Variants in SAMD5 observed in about 807,000 individuals in gnomAD.
SAMD5 encodes the protein sterile alpha motif domain containing 5, also known as sterile alpha motif domain-containing protein 5.
Under a neutral mutation model 11.3 loss-of-function variants are expected in SAMD5, and 13 were observed. The ratio of observed to expected loss-of-function variants is 1.15; its 90% confidence interval spans 0.75 to 1.83. SAMD5 has a LOEUF of 1.83. Among genes scored for constraint, SAMD5 ranks in the 40% most tolerant of loss-of-function variants. The pLI is 0.00. For synonymous variants in SAMD5, 129 were observed against 111.3 expected (o/e 1.16, Z -1.00); for missense variants, 255 against 239.1 (o/e 1.07, Z -0.44).
At chr6:147,908,286 C>T in the SAMD5 span, among the ~76,000 whole-genome samples, 4 of 152,126 alleles carry the variant, frequency 2.6e-5, no homozygotes, top group South Asian at 2.1e-4. Flanking sequence ...GGGTGGGCTC[C>T]GTGTCCTGTG....
chr6:147,637,049 C>G (rs1790240797), intron 1 of SAMD5, among the ~76,000 whole-genome samples: 1 of 152,094 alleles, frequency 6.6e-6, no homozygotes, highest in Admixed American at 6.5e-5. Flanking sequence ...GCAGCAGGCC[C>G]CAGCAGGCTG....
intron 1 of SAMD5, among the ~76,000 whole-genome samples, chr6:147,603,170 T>C (rs1377336396): frequency 2.0e-5 from 3 of 152,196 alleles, no homozygotes; most frequent in Admixed American, 6.5e-5. Flanking sequence ...ACATCAAATA[T>C]GTTAACTGAA....
At chr6:147,714,125 A>G (rs771470746) in intron 1 of SAMD5, among the ~76,000 whole-genome samples, 6 of 152,186 alleles carry the variant, frequency 3.9e-5, no homozygotes, top group Non-Finnish European at 5.9e-5. Flanking sequence ...AGTGAAGTTC[A>G]GTGACGATAC....
At chr6:147,617,154 G>A (rs1789885032) in intron 1 of SAMD5, among the ~76,000 whole-genome samples, 2 of 152,134 alleles carry the variant, frequency 1.3e-5, no homozygotes, top group Non-Finnish European at 2.9e-5. Flanking sequence ...TTCTTTAGGT[G>A]AGTCTTATTC....
At chr6:147,916,076 A>C in the SAMD5 span, among the ~76,000 whole-genome samples, 2 of 152,078 alleles carry the variant, frequency 1.3e-5, no homozygotes, top group Admixed American at 6.6e-5. Flanking sequence ...TACAAAGGAC[A>C]TGAACTCATC....
rs192372770 is a variant in SAMD5 at position 147,620,359 on chromosome 6, T to G, written c.162+110972T>G. 1.6e-3 allele frequency among the ~76,000 whole-genome samples: 243 copies of G among 152,312 alleles called. 2 individuals carry two copies. The highest frequency in any genetic ancestry group is 5.5e-3 in the African/African-American group (227 of 41,574). ...CGTACGACCCCTTACCCAGCCAGCTTTGATCACTTCTCTATTTAGCGCTGC... is the reference window on the plus strand; with the variant it reads ...CGTACGACCCCTTACCCAGCCAGCTGTGATCACTTCTCTATTTAGCGCTGC... On this transcript the variant is annotated intron_variant, in intron 1 of 1. Transcript: ENST00000566741.
chr6:147,928,448 T>G, the SAMD5 span, among the ~76,000 whole-genome samples: 1 of 152,194 alleles, frequency 6.6e-6, no homozygotes, highest in South Asian at 2.1e-4. Flanking sequence ...TCTAGTTTTT[T>G]CACATACAGG....
chr6:147,830,001 A>C, the SAMD5 span, among the ~76,000 whole-genome samples: 1 of 152,164 alleles, frequency 6.6e-6, no homozygotes, highest in East Asian at 1.9e-4. Context: ...GCATGAGAGA[A>C]GCATGATAAA....
the SAMD5 span, among the ~76,000 whole-genome samples, chr6:147,909,579 T>TTCCTTCCTTCCTTCCTTCCTTC: frequency 1.3e-4 from 8 of 61,658 alleles, no homozygotes; most frequent in African/African-American, 6.9e-4. Flanking sequence ...TTTCTTTCTT[T>TTCCTTCCTTCCTTCCTTCCTTC]CTTTCTTTCT....
intron 1 of SAMD5, among the ~76,000 whole-genome samples, chr6:147,577,737 A>C (rs1789236869): frequency 6.6e-6 from 1 of 152,142 alleles, no homozygotes; most frequent in African/African-American, 2.4e-5. Context: ...CTTACACTTA[A>C]AATCCCCAGA....
the SAMD5 span, among the ~76,000 whole-genome samples, chr6:147,892,758 T>C: frequency 7.7e-4 from 118 of 152,346 alleles, no homozygotes; most frequent in African/African-American, 2.6e-3. Context: ...ATCCACCATC[T>C]GCTCCTGTAT....
chr6:147,551,382 G>A (rs1215978839), intron 1 of SAMD5, among the ~76,000 whole-genome samples: 1 of 152,206 alleles, frequency 6.6e-6, no homozygotes, highest in East Asian at 1.9e-4. Context: ...GAGAAATTAA[G>A]GGGGAATGTA....
chr6:147,899,170 CAAAAAAA>C, the SAMD5 span, among the ~76,000 whole-genome samples: 1 of 62,626 alleles, frequency 1.6e-5, no homozygotes, highest in African/African-American at 7.1e-5. Flanking sequence ...GACTCTGTCT[CAAAAAAA>C]AAAAAAAAAA....
the SAMD5 span, among the ~76,000 whole-genome samples, chr6:147,808,424 G>C: frequency 6.6e-6 from 1 of 152,102 alleles, no homozygotes; most frequent in Non-Finnish European, 1.5e-5. Context: ...GGCTGTTCTA[G>C]AACTCCTGGC....
intron 1 of SAMD5, among the ~76,000 whole-genome samples, chr6:147,523,897 CTTAGGCT>C (rs1788294438): frequency 6.6e-6 from 1 of 152,066 alleles, no homozygotes; most frequent in Non-Finnish European, 1.5e-5. Flanking sequence ...CTCTGGCTTC[CTTAGGCT>C]TGTACAGTAG....
intron 1 of SAMD5, among the ~76,000 whole-genome samples, chr6:147,709,830 T>C (rs1791371972): frequency 6.6e-6 from 1 of 152,204 alleles, no homozygotes; most frequent in South Asian, 2.1e-4. Flanking sequence ...ATCTTTTCTC[T>C]GGAGGACTTC....
chr6:147,763,713 G>A, the SAMD5 span, among the ~76,000 whole-genome samples: 4 of 151,918 alleles, frequency 2.6e-5, no homozygotes, highest in Non-Finnish European at 5.9e-5. Context: ...CTCCTGAGTA[G>A]CTGGGACTAC....
chr6:147,567,120 A>T lies in SAMD5; in HGVS notation c.*2664A>T. On this transcript the variant is annotated 3_prime_UTR_variant, in exon 2 of 2. Transcript: ENST00000367474. The stretch of plus-strand genomic sequence containing the variant: ...GTCATAGCAAAATTTTCTTTAGTTC[A>T]TCTTAAAATTTAGGGAGGTAAAAAA... 1 of 983,370 alleles carries T rather than the reference A, an allele frequency of 1.0e-6. No homozygotes were observed. The highest frequency in any genetic ancestry group is 1.2e-6 in the Non-Finnish European group (1 of 828,064). 60.9% of individuals were successfully genotyped at this position (983,370 alleles called of 1,614,324 possible).
chr6:147,741,048 C>T (rs17077298), downstream of SAMD5, among the ~76,000 whole-genome samples: 3,116 of 152,246 alleles, frequency 0.02, 53 homozygotes, highest in East Asian at 0.072. Context: ...CAAGTATTCA[C>T]CATGGAATGG....
Sources: allele counts gnomAD v4.1 joint callset (sites outside exome capture counted in the v4.1 genomes callset), GRCh38; gene constraint gnomAD v4.1.1; transcripts MANE v1.5; gene names NCBI Gene and HGNC (gene_info 2026-07-23, HGNC 2026-07-21).